Variants in ACSS3 observed in about 807,000 individuals in gnomAD.
ACSS3 encodes acyl-CoA synthetase short-chain family member 3, mitochondrial.
A neutral mutation model predicts 84.2 loss-of-function variants in ACSS3; 64 were observed. That is an observed-to-expected ratio of 0.76 (90% CI 0.62 to 0.94). ACSS3 has a LOEUF of 0.94. Ranked by LOEUF, ACSS3 falls within the 40% of genes least tolerant of loss-of-function variation. The probability of loss-of-function intolerance (pLI) is 0.00; values close to 1 mark genes in which losing one functional copy is unlikely to be tolerated. For missense variants in ACSS3, 815 were observed against 867.6 expected, an observed-to-expected ratio of 0.94 and a Z score of 0.76; for synonymous variants, 317 against 310.1, an observed-to-expected ratio of 1.02 and a Z score of -0.23.
chr12:81,211,613 C>G (rs904257280), intron 9 of ACSS3, among the ~76,000 whole-genome samples: 2 of 152,142 alleles, frequency 1.3e-5, no homozygotes, highest in African/African-American at 4.8e-5. Context: ...ATCTATTAAC[C>G]AGTTATTCTA....
intron 8 of ACSS3, among the ~76,000 whole-genome samples, chr12:81,175,427 C>T (rs2030400550): frequency 6.6e-6 from 1 of 152,092 alleles, no homozygotes; most frequent in Non-Finnish European, 1.5e-5. Context: ...TGGGAGACAT[C>T]AGGACCACAC....
intron 8 of ACSS3, among the ~76,000 whole-genome samples, chr12:81,176,348 G>T (rs1312967108): frequency 6.6e-6 from 1 of 152,126 alleles, no homozygotes; most frequent in Admixed American, 6.5e-5. Context: ...GAAGGCCGAG[G>T]CAGGTGGATC....
intron 13 of ACSS3, among the ~76,000 whole-genome samples, chr12:81,245,867 A>G (rs1363847769): frequency 6.6e-6 from 1 of 152,102 alleles, no homozygotes; most frequent in Non-Finnish European, 1.5e-5. Context: ...TCTTACTTGT[A>G]GTACCAAAAC....
intron 5 of ACSS3, among the ~76,000 whole-genome samples, chr12:81,146,160 C>T (rs750939025): frequency 3.9e-5 from 6 of 152,074 alleles, no homozygotes; most frequent in Non-Finnish European, 7.4e-5. Context: ...TATACATTAT[C>T]CTTTTTGGAT....
chr12:81,215,013 A>G (rs955599125), intron 9 of ACSS3, among the ~76,000 whole-genome samples: 8 of 152,060 alleles, frequency 5.3e-5, no homozygotes, highest in Non-Finnish European at 1.0e-4. Flanking sequence ...ACCTCACTCT[A>G]CAAGACTGCT....
chr12:81,085,036 C>T (rs373473477), intron 1 of ACSS3, among the ~76,000 whole-genome samples: 2 of 152,154 alleles, frequency 1.3e-5, no homozygotes, highest in Non-Finnish European at 2.9e-5. Context: ...TTCCTCATTC[C>T]TTATTTCCTC....
Position 81,229,117 on chromosome 12 carries a change from T to C in ACSS3, c.1515-1940T>C, listed in dbSNP as rs115815297. ...GTCAGCTGCCATTGATTATCACAGA[T>C]ACCTCTTCTTTTTCTTTAGTATAAT... On this transcript the variant is annotated intron_variant, in intron 11 of 15. Transcript: ENST00000548058. Among the ~76,000 whole-genome samples the C allele has an allele frequency of 6.5e-3, 979 of 151,432 alleles. 15 individuals carry two copies. The highest frequency in any genetic ancestry group is 0.023 in the African/African-American group (942 of 41,004).
intron 1 of ACSS3, among the ~76,000 whole-genome samples, chr12:81,093,971 G>A (rs1881847919): frequency 1.3e-5 from 2 of 151,740 alleles, no homozygotes. Flanking sequence ...TGTAAGAAGT[G>A]TTTTTTCCAT....
intron 8 of ACSS3, 49 bp from the exon 9 acceptor site, chr12:81,199,288 ATTAT>A (rs1315290597): frequency 3.4e-6 from 5 of 1,486,740 alleles, no homozygotes; most frequent in Non-Finnish European, 4.6e-6. Flanking sequence ...TGTAAATACA[ATTAT>A]TTAGATTTAT....
At chr12:81,249,489 G>T (rs577524182) in intron 13 of ACSS3, among the ~76,000 whole-genome samples, 1 of 152,082 alleles carries the variant, frequency 6.6e-6, no homozygotes, top group South Asian at 2.1e-4. Flanking sequence ...TTTGAGGGTT[G>T]TTCTAACCAA....
rs2034963708 is a variant in ACSS3, at chr12:81,260,286, C to T, written c.*5364C>T. On this transcript the variant is annotated 3_prime_UTR_variant, in exon 16 of 16. Transcript: ENST00000548058. Reference sequence around the variant, plus strand: ...TAGATTGAATTATTGTAAATGAATACTGTTATCCCAATTAATGGTAAAAAC... The same window carrying T: ...TAGATTGAATTATTGTAAATGAATATTGTTATCCCAATTAATGGTAAAAAC... 6.6e-6 allele frequency: 1 copy of T among 152,132 alleles called. No homozygotes were observed. Among genetic ancestry groups the T allele is most frequent in the Admixed American group, 6.5e-5 (1 of 15,274 alleles). 9.4% of individuals were successfully genotyped at this position (152,132 alleles called of 1,614,324 possible).
rs187005461 is a variant in ACSS3, at chr12:81,240,369, C to A, written c.1719+6898C>A. 2.3e-3 allele frequency among the ~76,000 whole-genome samples: 355 copies of A among 152,020 alleles called. 2 individuals are homozygous for A. Among genetic ancestry groups the A allele is most frequent in the African/African-American group, 8.2e-3 (340 of 41,508 alleles). On this transcript the variant is annotated intron_variant, in intron 13 of 15. Transcript: ENST00000548058. ...TGTGCTTGAAATTAACATAACTACT[C>A]CTACTTATAAAAATTAGCATGGTAT...
chr12:81,245,244 G>A (rs1372714298), intron 13 of ACSS3, among the ~76,000 whole-genome samples: 4 of 152,240 alleles, frequency 2.6e-5, no homozygotes, highest in East Asian at 1.9e-4. Context: ...GGTGGATCAC[G>A]AGGTCAGGAG....
At chr12:81,118,255 T>A (rs575629284) in intron 2 of ACSS3, among the ~76,000 whole-genome samples, 106 of 152,204 alleles carry the variant, frequency 7.0e-4, no homozygotes, top group Non-Finnish European at 1.3e-3. Flanking sequence ...GCTTAATTTT[T>A]TAAATAATGC....
intron 4 of ACSS3, among the ~76,000 whole-genome samples, chr12:81,141,092 A>G (rs1054671386): frequency 6.6e-5 from 10 of 152,256 alleles, no homozygotes; most frequent in African/African-American, 2.2e-4. Context: ...GATATATGCT[A>G]TTTCTTTCAC....
At chr12:81,121,792 A>G (rs1277947063) in intron 2 of ACSS3, among the ~76,000 whole-genome samples, 1 of 152,128 alleles carries the variant, frequency 6.6e-6, no homozygotes, top group East Asian at 1.9e-4. Context: ...TAGTAATTGA[A>G]CTTCCATAGA....
At chr12:81,082,853 A>G (rs1316473463) in intron 1 of ACSS3, among the ~76,000 whole-genome samples, 1 of 152,184 alleles carries the variant, frequency 6.6e-6, no homozygotes, top group Non-Finnish European at 1.5e-5. Flanking sequence ...TCTATTTCTA[A>G]GGATTAAATT....
chr12:81,188,169 A>C (rs2031373668), intron 8 of ACSS3, among the ~76,000 whole-genome samples: 1 of 152,008 alleles, frequency 6.6e-6, no homozygotes, highest in African/African-American at 2.4e-5. Flanking sequence ...AACAAACCTT[A>C]AAATTTAAAG....
chr12:81,128,087 T>G (rs1195483031), intron 2 of ACSS3, among the ~76,000 whole-genome samples: 1 of 152,202 alleles, frequency 6.6e-6, no homozygotes, highest in African/African-American at 2.4e-5. Context: ...GTTATATTTA[T>G]GTTATTTATA....
Sources: allele counts gnomAD v4.1 joint callset (sites outside exome capture counted in the v4.1 genomes callset), GRCh38; gene constraint gnomAD v4.1.1; transcripts MANE v1.5; gene names NCBI Gene and HGNC (gene_info 2026-07-23, HGNC 2026-07-21).